The following CSMD1 variants were observed in gnomAD, a reference collection of about 807,000 sequenced individuals.
The protein encoded by CSMD1 is CUB and Sushi multiple domains 1.
CSMD1 carries 213 observed loss-of-function variants against 417.5 expected under a neutral mutation model. That is an observed-to-expected ratio of 0.51 (90% CI 0.46 to 0.57). The LOEUF (loss-of-function observed/expected upper bound fraction) is 0.57, where lower values mean the gene tolerates loss of function less well. CSMD1 is among the 20% of genes least tolerant of loss of function. The pLI is 0.00. For missense variants in CSMD1, 6,923 were observed against 4,529.7 expected (o/e 1.53, Z -15.17); for synonymous variants, 2,862 against 1,736.8 (o/e 1.65, Z -16.11).
intron 6 of CSMD1, among the ~76,000 whole-genome samples, chr8:3,736,861 G>A (rs929095875): frequency 6.6e-6 from 1 of 152,170 alleles, no homozygotes; most frequent in Non-Finnish European, 1.5e-5. Flanking sequence ...ATATGAATGG[G>A]TGAAAGCCAT....
intron 5 of CSMD1, among the ~76,000 whole-genome samples, chr8:3,815,029 T>A (rs1028368555): frequency 3.3e-5 from 5 of 152,146 alleles, no homozygotes; most frequent in African/African-American, 1.2e-4. Context: ...AACTAAGCAA[T>A]GGTAGAAGAG....
At chr8:2,974,678 T>C in intron 55 of CSMD1, 54 bp from the exon 56 acceptor site, 5 of 1,386,356 alleles carry the variant, frequency 3.6e-6, no homozygotes, top group East Asian at 2.5e-5. Flanking sequence ...AACCACTTTG[T>C]ATTGGAAAAT....
intron 3 of CSMD1, among the ~76,000 whole-genome samples, chr8:4,285,365 C>T (rs763866984): frequency 6.6e-6 from 1 of 152,176 alleles, no homozygotes; most frequent in Non-Finnish European, 1.5e-5. Flanking sequence ...AAACTGCAGC[C>T]TTTCTATTCT....
chr8:4,718,986 G>C (rs1238890441), intron 1 of CSMD1, among the ~76,000 whole-genome samples: 2 of 152,070 alleles, frequency 1.3e-5, no homozygotes, highest in Non-Finnish European at 2.9e-5. Flanking sequence ...GAAAAACTTT[G>C]AAGATATGTA....
At chr8:3,714,552 T>C (rs1490974041) in intron 6 of CSMD1, among the ~76,000 whole-genome samples, 2 of 5,822 alleles carry the variant, frequency 3.4e-4, no homozygotes, top group African/African-American at 6.1e-4. Flanking sequence ...CGAAACCCCA[T>C]CTCTATCCCA....
chr8:3,774,092 T>C (rs1994050), intron 5 of CSMD1, among the ~76,000 whole-genome samples: 19,539 of 152,162 alleles, frequency 0.13, 2,096 homozygotes, highest in African/African-American at 0.29. Flanking sequence ...CAGCTTCTTG[T>C]CTAAATATGT....
Position 4,049,855 on chromosome 8 carries a change from A to C in CSMD1, c.416-17756T>G, listed in dbSNP as rs532649140. Among the ~76,000 whole-genome samples the C allele has an allele frequency of 3.9e-5, 6 of 152,250 alleles. 1 individual carries two copies. The South Asian group carries it at 1.2e-3, about 32-fold the overall frequency. On this transcript the variant is annotated intron_variant, in intron 3 of 69. Transcript: ENST00000635120. ...GACCAATATTGGCATATTCTTCTTCACTAAAGTCTTATTGAATTATCTTAG... is the reference window on the plus strand; with the variant it reads ...GACCAATATTGGCATATTCTTCTTCCCTAAAGTCTTATTGAATTATCTTAG...
intron 1 of CSMD1, among the ~76,000 whole-genome samples, chr8:4,831,707 G>C (rs1482407965): frequency 1.3e-5 from 2 of 152,084 alleles, no homozygotes; most frequent in Admixed American, 6.6e-5. Flanking sequence ...ATATTTACTA[G>C]ACATTCACAA....
intron 57 of CSMD1, among the ~76,000 whole-genome samples, chr8:2,968,109 C>T (rs1280562443): frequency 3.3e-5 from 5 of 152,186 alleles, no homozygotes; most frequent in Non-Finnish European, 7.3e-5. Context: ...TTAAGGCTCT[C>T]TAAAACTTGA....
chr8:3,274,899 C>G lies in CSMD1; in HGVS notation c.4153+9245G>C, dbSNP rs1252137198. Among the ~76,000 whole-genome samples the G allele has an allele frequency of 2.0e-5, 3 of 152,134 alleles. No individual in the cohort carries two copies. The East Asian group carries it at 5.8e-4, about 29-fold the overall frequency. On this transcript the variant is annotated intron_variant, in intron 26 of 69. Coordinates refer to ENST00000635120, the MANE Select transcript of CSMD1 (RefSeq NM_033225.6). ...CTGTGTCCAGTTTGCCAGTCTGTGT[C>G]TTTTAATTGGTGCATTTAGTCCATT...
chr8:3,900,646 C>T (rs1379477846), intron 5 of CSMD1, among the ~76,000 whole-genome samples: 1 of 151,864 alleles, frequency 6.6e-6, no homozygotes, highest in Non-Finnish European at 1.5e-5. Flanking sequence ...AGCTAGATGA[C>T]ACTGTAGCTG....
intron 18 of CSMD1, among the ~76,000 whole-genome samples, chr8:3,374,324 G>C (rs527777821): frequency 1.2e-3 from 179 of 152,086 alleles, no homozygotes; most frequent in African/African-American, 4.1e-3. Context: ...ATCCCATCCT[G>C]CATTTAGAGT....
chr8:4,801,040 T>C (rs1798256380), intron 1 of CSMD1, among the ~76,000 whole-genome samples: 1 of 152,102 alleles, frequency 6.6e-6, no homozygotes, highest in South Asian at 2.1e-4. Flanking sequence ...CACCATTTAA[T>C]ACGTAAAAAG....
intron 25 of CSMD1, among the ~76,000 whole-genome samples, chr8:3,292,720 C>G (rs1245764849): frequency 6.6e-6 from 1 of 152,150 alleles, no homozygotes; most frequent in Non-Finnish European, 1.5e-5. Context: ...CTATGTGTGT[C>G]TCTGCAAGTT....
intron 3 of CSMD1, among the ~76,000 whole-genome samples, chr8:4,054,557 G>A (rs539855840): frequency 6.6e-6 from 1 of 151,970 alleles, no homozygotes; most frequent in South Asian, 2.1e-4. Flanking sequence ...TGTCCCTCTT[G>A]CGGAGTTCAA....
intron 6 of CSMD1, among the ~76,000 whole-genome samples, chr8:3,709,474 G>A (rs1801371111): frequency 6.6e-6 from 1 of 151,950 alleles, no homozygotes; most frequent in African/African-American, 2.4e-5. Flanking sequence ...TCAGACATTG[G>A]GCCAGAGGAG....
intron 18 of CSMD1, among the ~76,000 whole-genome samples, chr8:3,381,599 A>G (rs1810630642): frequency 6.6e-6 from 1 of 152,204 alleles, no homozygotes; most frequent in African/African-American, 2.4e-5. Context: ...CGTCTATATG[A>G]CATCCTTGAG....
intron 2 of CSMD1, among the ~76,000 whole-genome samples, chr8:4,544,700 A>G (rs1797556384): frequency 6.6e-6 from 1 of 152,238 alleles, no homozygotes; most frequent in African/African-American, 2.4e-5. Context: ...ATTACAATGT[A>G]TCCTTGAAAA....
At chr8:4,632,652 T>A (rs187596388) in intron 2 of CSMD1, among the ~76,000 whole-genome samples, 21 of 152,140 alleles carry the variant, frequency 1.4e-4, no homozygotes, top group African/African-American at 4.6e-4. Flanking sequence ...CCGAGCCCCA[T>A]TGCGAGGTAA....
Sources: allele counts gnomAD v4.1 joint callset (sites outside exome capture counted in the v4.1 genomes callset), GRCh38; gene constraint gnomAD v4.1.1; transcripts MANE v1.5; gene names NCBI Gene and HGNC (gene_info 2026-07-23, HGNC 2026-07-21).